Variants in SPTBN1 observed in about 807,000 individuals in gnomAD.
The protein encoded by SPTBN1 is spectrin beta chain, non-erythrocytic 1.
A neutral mutation model predicts 266.4 loss-of-function variants in SPTBN1; 32 were observed. The observed-to-expected ratio is 0.12, with a 90% confidence interval of 0.09 to 0.16. SPTBN1 has a LOEUF of 0.16. SPTBN1 is among the 10% of genes least tolerant of loss of function. The probability of loss-of-function intolerance (pLI) is 1.00; values close to 1 mark genes in which losing one functional copy is unlikely to be tolerated. For synonymous variants in SPTBN1, 1,336 were observed against 1,162.2 expected (o/e 1.15, Z -3.04); for missense variants, 2,296 against 3,067.1 (o/e 0.75, Z 5.94).
chr2:54,634,392 G>A (rs1678970830), intron 17 of SPTBN1, among the ~76,000 whole-genome samples: 2 of 152,206 alleles, frequency 1.3e-5, no homozygotes, highest in African/African-American at 4.8e-5. Context: ...GTGTTCCAGA[G>A]CTTCCTTAGG....
At chr2:54,500,659 C>T (rs1669208551) in intron 1 of SPTBN1, among the ~76,000 whole-genome samples, 1 of 152,176 alleles carries the variant, frequency 6.6e-6, no homozygotes, top group African/African-American at 2.4e-5. Flanking sequence ...GATCCACCCA[C>T]CTCAGCCTCC....
chr2:54,487,636 T>C (rs189748797), intron 1 of SPTBN1, among the ~76,000 whole-genome samples: 1 of 151,932 alleles, frequency 6.6e-6, no homozygotes, highest in Non-Finnish European at 1.5e-5. Flanking sequence ...AATGTCAGTC[T>C]ACCCACTAAA....
Position 54,479,543 on chromosome 2 carries a change from A to G in SPTBN1, c.-48+23025A>G, listed in dbSNP as rs1668000881. Among the ~76,000 whole-genome samples the G allele has an allele frequency of 2.0e-5, 3 of 152,324 alleles. No homozygotes were observed. In the South Asian group the frequency reaches 6.2e-4, roughly 32 times the overall value. ...ATGAGAATGAAAGGAGACACTTTTA[A>G]TAGTTGTACCAGTACAGCAGGCATA... is the stretch of plus-strand genomic sequence containing the variant. On this transcript the variant is annotated intron_variant, in intron 1 of 35. Transcript: ENST00000356805.
At chr2:54,608,482 T>C (rs1407715747) in intron 3 of SPTBN1, among the ~76,000 whole-genome samples, 1 of 152,052 alleles carries the variant, frequency 6.6e-6, no homozygotes, top group Non-Finnish European at 1.5e-5. Flanking sequence ...AGATGATGGG[T>C]CACAGGCTGA....
intron 3 of SPTBN1, among the ~76,000 whole-genome samples, chr2:54,608,064 T>C (rs747814517): frequency 6.6e-6 from 1 of 152,138 alleles, no homozygotes; most frequent in African/African-American, 2.4e-5. Context: ...CTTAATTGCG[T>C]GTACCTGGGT....
rs374777963 is a variant in SPTBN1 at position 54,649,410 on chromosome 2, G to A, written c.5203-205G>A. Among the ~76,000 whole-genome samples, 4 of 152,190 alleles carry A rather than the reference G, an allele frequency of 2.6e-5. No homozygotes were observed. The East Asian group carries it at 7.7e-4, about 29-fold the overall frequency. ...TCCTCCGGTAGTAAAAGGAGGTGGAGGTAGTGCCTCACTCTGCTGCAGTGA... is the reference window on the plus strand; with the variant it reads ...TCCTCCGGTAGTAAAAGGAGGTGGAAGTAGTGCCTCACTCTGCTGCAGTGA... On this transcript the variant is annotated intron_variant, in intron 25 of 35. Coordinates refer to ENST00000356805, the MANE Select transcript of SPTBN1 (RefSeq NM_003128.3). The surrounding 1 kb of genome is among the most constrained non-coding windows in gnomAD (Gnocchi z 6.7).
At chr2:54,525,753 CGG>C (rs1670770343) in intron 1 of SPTBN1, among the ~76,000 whole-genome samples, 1 of 151,934 alleles carries the variant, frequency 6.6e-6, no homozygotes, top group African/African-American at 2.4e-5. Context: ...CTTTTTGAGA[CGG>C]AGTCTCGCTC....
At chr2:54,630,188 T>G (rs1359522241) in intron 15 of SPTBN1, among the ~76,000 whole-genome samples, 159 bp downstream of exon 15, 2 of 152,202 alleles carry the variant, frequency 1.3e-5, no homozygotes, top group African/African-American at 4.8e-5. Context: ...CATGTCCTTG[T>G]TTTGTAAGAA....
At position 54,617,876 on chromosome 2, in the gene SPTBN1, T is replaced by A. The variant is rs182638393; in HGVS notation, c.647+188T>A. Reference sequence around the variant, plus strand: ...CCAAACAGAATAAACAGGTTCTCCCTTAATCTTTTTTTTCTTAATTAACTT... The same window carrying A: ...CCAAACAGAATAAACAGGTTCTCCCATAATCTTTTTTTTCTTAATTAACTT... On this transcript the variant is annotated intron_variant, in intron 6 of 35. Transcript: ENST00000356805. Among the ~76,000 whole-genome samples the A allele has an allele frequency of 5.6e-3, 858 of 152,392 alleles. 2 individuals carry two copies. The highest frequency in any genetic ancestry group is 0.014 in the Middle Eastern group (4 of 294).
intron 30 of SPTBN1, among the ~76,000 whole-genome samples, chr2:54,658,580 G>A (rs963748138): frequency 6.6e-6 from 1 of 152,150 alleles, no homozygotes; most frequent in Admixed American, 6.5e-5. Flanking sequence ...TACAAAAATG[G>A]TGTTTCTGGT....
chr2:54,480,828 A>G (rs1307559275), intron 1 of SPTBN1, among the ~76,000 whole-genome samples: 1 of 152,186 alleles, frequency 6.6e-6, no homozygotes, highest in Non-Finnish European at 1.5e-5. Flanking sequence ...AACTTAAGCC[A>G]GCTCTTCTTC....
chr2:54,660,334 C>G (rs963434380), intron 32 of SPTBN1: 6 of 1,253,512 alleles, frequency 4.8e-6, no homozygotes, highest in Non-Finnish European at 4.0e-6. Flanking sequence ...ACAGCGAAAC[C>G]CTTACATGAG....
At chr2:54,651,517 T>G (rs1680287676) in intron 26 of SPTBN1, among the ~76,000 whole-genome samples, 1 of 152,222 alleles carries the variant, frequency 6.6e-6, no homozygotes, top group Non-Finnish European at 1.5e-5. Context: ...TTTGGTTGTT[T>G]CCTTTTGTGC....
chr2:54,638,398 A>T (rs992033941), intron 18 of SPTBN1, among the ~76,000 whole-genome samples: 14 of 152,236 alleles, frequency 9.2e-5, no homozygotes, highest in African/African-American at 3.4e-4. Flanking sequence ...AAGACAAATT[A>T]GTTTCTTATT....
intron 1 of SPTBN1, among the ~76,000 whole-genome samples, chr2:54,492,305 G>T (rs1378079512): frequency 6.8e-6 from 1 of 147,076 alleles, no homozygotes; most frequent in East Asian, 2.0e-4. Flanking sequence ...TAAAGTAGGT[G>T]TGCCCTATTA....
At chr2:54,659,465 A>G (rs1200214466) in intron 31 of SPTBN1, among the ~76,000 whole-genome samples, 199 bp downstream of exon 31, 1 of 152,194 alleles carries the variant, frequency 6.6e-6, no homozygotes, top group Non-Finnish European at 1.5e-5. Context: ...TCACATAGGT[A>G]TGTAGGTGGC....
chr2:54,465,637 C>CATATATATA (rs1433073794), intron 1 of SPTBN1, among the ~76,000 whole-genome samples: 2,794 of 89,434 alleles, frequency 0.031, 100 homozygotes, highest in African/African-American at 0.07. Context: ...TCATGTTTAT[C>CATATATATA]TCATATATAT....
At chr2:54,661,473 C>T (rs1681037706) in intron 32 of SPTBN1, 2 of 985,564 alleles carry the variant, frequency 2.0e-6, no homozygotes, top group Admixed American at 6.2e-5. Context: ...CGTCATATAG[C>T]ATCTTGTTTG....
At chr2:54,648,606 G>T (rs940085870) in intron 24 of SPTBN1, among the ~76,000 whole-genome samples, 1 of 152,154 alleles carries the variant, frequency 6.6e-6, no homozygotes, top group African/African-American at 2.4e-5. Context: ...GGAAGATTTT[G>T]CATTAACTTT....
Sources: gnomAD v4.1 joint callset for allele counts (sites outside exome capture counted in the v4.1 genomes callset) on GRCh38, gnomAD v4.1.1 for gene constraint, Gnocchi (gnomAD v3.1) non-coding constraint, MANE v1.5 for transcripts, NCBI Gene and HGNC (gene_info 2026-07-23, HGNC 2026-07-21) for gene names.